MGRN1: variants seen among roughly 807,000 people sequenced by gnomAD.
MGRN1 encodes the protein E3 ubiquitin-protein ligase MGRN1.
A neutral mutation model predicts 69.2 loss-of-function variants in MGRN1; 29 were observed. The observed-to-expected ratio is 0.42, with a 90% CI of 0.31 to 0.57. The LOEUF is 0.57. Ranked by LOEUF, MGRN1 falls within the 20% of genes least tolerant of loss-of-function variation. The pLI is 0.15. For missense variants in MGRN1, 998 were observed against 796.2 expected, an observed-to-expected ratio of 1.25 and a Z score of -3.05; for synonymous variants, 470 against 344.2, an observed-to-expected ratio of 1.37 and a Z score of -4.04.
chr16:4,676,099 G>C (rs1283003567), intron 10 of MGRN1, among the ~76,000 whole-genome samples: 2 of 152,260 alleles, frequency 1.3e-5, no homozygotes, highest in African/African-American at 2.4e-5. Flanking sequence ...CGAGGATGCT[G>C]GTCTGTGCAG....
At chr16:4,674,930 G>A (rs1456109854) in intron 10 of MGRN1, among the ~76,000 whole-genome samples, 4 of 151,486 alleles carry the variant, frequency 2.6e-5, no homozygotes, top group East Asian at 1.9e-4. Flanking sequence ...GTGAGCCACC[G>A]CGCCTGGCCG....
At chr16:4,629,790 C>G (rs1439786001) in intron 1 of MGRN1, among the ~76,000 whole-genome samples, 1 of 149,420 alleles carries the variant, frequency 6.7e-6, no homozygotes, top group Non-Finnish European at 1.5e-5. Flanking sequence ...TCATGCCTGT[C>G]ATCTCAGCAT....
intron 13 of MGRN1, 48 bp downstream of exon 13, chr16:4,681,824 C>T (rs369981166): frequency 3.7e-5 from 57 of 1,548,616 alleles, no homozygotes; most frequent in Non-Finnish European, 4.4e-5. Flanking sequence ...TGGTGGCGCG[C>T]GTGCGGAGCG....
intron 16 of MGRN1, chr16:4,687,351 T>C (rs1423774613): frequency 4.2e-6 from 4 of 960,560 alleles, no homozygotes; most frequent in African/African-American, 1.8e-5. Flanking sequence ...GAATTCAAGA[T>C]CAGTGTAGAA....
intron 11 of MGRN1, among the ~76,000 whole-genome samples, chr16:4,678,544 CAGATGTGGAGAGACAGGGTGAGAG>C (rs1057367402): frequency 1.9e-4 from 28 of 148,802 alleles, no homozygotes; most frequent in Admixed American, 4.6e-4. Flanking sequence ...GACGGAGAGA[CAGATGTGGAGAGACAGGGTGAGAG>C]AGATGTGGAG....
intron 1 of MGRN1, among the ~76,000 whole-genome samples, chr16:4,628,678 T>A (rs775635208): frequency 6.6e-6 from 1 of 151,944 alleles, no homozygotes; most frequent in Non-Finnish European, 1.5e-5. Flanking sequence ...CTGAGTAGCT[T>A]GGATTACAGG....
Position 4,690,593 on chromosome 16 carries a change from C to G in MGRN1, c.*1685C>G, listed in dbSNP as rs1025121165. The G allele has an allele frequency of 1.3e-5, 2 of 152,426 alleles. No individual in the cohort carries two copies. The highest frequency in any genetic ancestry group is 4.8e-5 in the African/African-American group (2 of 41,452). The allele number at this position is 152,426 out of a possible 1,614,324, so 9.4% of individuals were successfully genotyped here. Reference sequence around the variant, plus strand: ...AAATGCACGCCCACTTGCACATGCTCACGCACATGTTCACACATGCACACT... The same window carrying G: ...AAATGCACGCCCACTTGCACATGCTGACGCACATGTTCACACATGCACACT... On this transcript the variant is annotated 3_prime_UTR_variant, in exon 17 of 17. Transcript: ENST00000262370.
At chr16:4,648,435 C>CGGG (rs2078323482) in intron 1 of MGRN1, among the ~76,000 whole-genome samples, 1 of 118,494 alleles carries the variant, frequency 8.4e-6, no homozygotes, top group African/African-American at 4.0e-5. Flanking sequence ...CGTGGTCACC[C>CGGG]GGCTCCTCCT....
intron 8 of MGRN1, chr16:4,671,178 G>C: frequency 1.7e-6 from 1 of 587,354 alleles, no homozygotes; most frequent in South Asian, 2.0e-5. Flanking sequence ...AGTGGGGAGA[G>C]CCACCGGCTC....
At chr16:4,660,926 G>T (rs1596294100) in intron 5 of MGRN1, among the ~76,000 whole-genome samples, 1 of 152,326 alleles carries the variant, frequency 6.6e-6, no homozygotes, top group South Asian at 2.1e-4. Context: ...GGGAGCTGGA[G>T]GCCTAGCTGG....
At chr16:4,686,369 C>T in intron 16 of MGRN1, 1 of 1,523,386 alleles carries the variant, frequency 6.6e-7, no homozygotes, top group East Asian at 2.5e-5. Context: ...GAGCCCTCCC[C>T]TGCTCTCTGG....
chr16:4,668,432 C>CAT lies in MGRN1; in HGVS notation c.726+122_726+123dup, dbSNP rs1408492677. The CAT allele has an allele frequency of 1.9e-4, 176 of 921,822 alleles. No homozygotes were observed. The African/African-American group carries it at 2.7e-3, about 14-fold the overall frequency. The allele number at this position is 921,822 out of a possible 1,614,324, so 57.1% of individuals were successfully genotyped here. A position where few individuals can be genotyped will look rare whatever the true frequency, so the allele number is the denominator to read the frequency against. ...ACACGCACATATACTCATACACGCTCATACACACTCATACACATTCACTTG... is the reference window on the plus strand; with the variant it reads ...ACACGCACATATACTCATACACGCTCATATACACACTCATACACATTCACTTG... On this transcript the variant is annotated intron_variant, in intron 8 of 16. Transcript: ENST00000262370.
chr16:4,687,317 A>G (rs1164448749), intron 16 of MGRN1: 2 of 978,426 alleles, frequency 2.0e-6, no homozygotes, highest in African/African-American at 3.5e-5. Flanking sequence ...TGGGAGACCG[A>G]GGGGATAGAT....
At chr16:4,678,944 T>G (rs902868912) in intron 11 of MGRN1, among the ~76,000 whole-genome samples, 3 of 152,228 alleles carry the variant, frequency 2.0e-5, no homozygotes, top group Non-Finnish European at 2.9e-5. Flanking sequence ...GGGGTCAATG[T>G]TTAAAAGTCT....
intron 1 of MGRN1, among the ~76,000 whole-genome samples, chr16:4,626,295 G>A (rs780380454): frequency 6.6e-6 from 1 of 152,192 alleles, no homozygotes; most frequent in Non-Finnish European, 1.5e-5. Context: ...GCCCAGCAGC[G>A]GGTCAGCCTG....
intron 1 of MGRN1, among the ~76,000 whole-genome samples, chr16:4,636,197 G>C (rs563987372): frequency 1.3e-5 from 2 of 151,992 alleles, no homozygotes; most frequent in African/African-American, 2.4e-5. Context: ...GAGCAGTACC[G>C]GCCCCCAGAG....
chr16:4,670,675 C>G (rs143366596), intron 8 of MGRN1, among the ~76,000 whole-genome samples: 5 of 152,290 alleles, frequency 3.3e-5, no homozygotes, highest in East Asian at 3.9e-4. Context: ...GGCAATGTAG[C>G]GAGATCCTGT....
At chr16:4,649,002 A>G in intron 1 of MGRN1, 2 of 156,096 alleles carry the variant, frequency 1.3e-5, no homozygotes, top group Non-Finnish European at 1.4e-5. Flanking sequence ...TCAGGAATCC[A>G]GGGGAGAGGC....
intron 10 of MGRN1, among the ~76,000 whole-genome samples, chr16:4,676,026 C>T (rs924031260): frequency 2.0e-5 from 3 of 152,202 alleles, no homozygotes; most frequent in South Asian, 2.1e-4. Flanking sequence ...GATTTGCCTG[C>T]GCAGCTGCAG....
Sources: allele counts gnomAD v4.1 joint callset (sites outside exome capture counted in the v4.1 genomes callset), GRCh38; gene constraint gnomAD v4.1.1; transcripts MANE v1.5; gene names NCBI Gene and HGNC (gene_info 2026-07-23, HGNC 2026-07-21).